Variants in PPP2CB observed in about 807,000 individuals in gnomAD.
PPP2CB encodes protein phosphatase 2 catalytic subunit beta, also known as serine/threonine-protein phosphatase 2A catalytic subunit beta isoform.
A neutral mutation model predicts 39.1 loss-of-function variants in PPP2CB; 18 were observed. The observed-to-expected ratio is 0.46, with a 90% CI of 0.32 to 0.68. PPP2CB has a LOEUF of 0.68. Ranked by LOEUF, PPP2CB falls within the 30% of genes least tolerant of loss-of-function variation. The probability of loss-of-function intolerance (pLI) is 0.04; values close to 1 mark genes in which losing one functional copy is unlikely to be tolerated. For synonymous variants in PPP2CB, 129 were observed against 133.8 expected (o/e 0.96, Z 0.25); for missense variants, 226 against 396.9 (o/e 0.57, Z 3.66).
At chr8:30,791,411 C>T in intron 5 of PPP2CB, 96 bp from the exon 6 acceptor site, 2 of 860,500 alleles carry the variant, frequency 2.3e-6, no homozygotes, top group Admixed American at 4.7e-5. Context: ...TACAGGTACT[C>T]TCTGTGGAAA....
chr8:30,807,018 G>A (rs1421177479), intron 1 of PPP2CB, among the ~76,000 whole-genome samples: 1 of 152,146 alleles, frequency 6.6e-6, no homozygotes, highest in Non-Finnish European at 1.5e-5. Flanking sequence ...AGTCTAGTTT[G>A]GTTTAATTTC....
chr8:30,812,580 G>T lies in PPP2CB; in HGVS notation c.-159C>A. The T allele has an allele frequency of 2.7e-6, 1 of 375,310 alleles. No homozygotes were observed. Among genetic ancestry groups the T allele is most frequent in the Non-Finnish European group, 4.5e-6 (1 of 223,538 alleles). The allele number at this position is 375,310 out of a possible 1,614,324, so 23.2% of individuals were successfully genotyped here. On this transcript the variant is annotated 5_prime_UTR_variant, in exon 1 of 7. Transcript: ENST00000221138. The stretch of plus-strand genomic sequence containing the variant: ...GGACTGAGCCGGGTAGGGCGGCCGC[G>T]GGCCCCGCGCCCCGCCCAAGCCCAG...
At chr8:30,799,973 G>A (rs951819853) in intron 1 of PPP2CB, among the ~76,000 whole-genome samples, 1 of 152,192 alleles carries the variant, frequency 6.6e-6, no homozygotes, top group African/African-American at 2.4e-5. Flanking sequence ...ATACACTGCT[G>A]GTGGAAATGC....
At chr8:30,799,053 T>C (rs1461303710) in intron 2 of PPP2CB, among the ~76,000 whole-genome samples, 1 of 152,212 alleles carries the variant, frequency 6.6e-6, no homozygotes. Flanking sequence ...TTGAATTTGA[T>C]TCTATAGGCA....
intron 3 of PPP2CB, among the ~76,000 whole-genome samples, chr8:30,796,212 C>T (rs996803948): frequency 6.6e-6 from 1 of 152,202 alleles, no homozygotes; most frequent in East Asian, 1.9e-4. Context: ...AAATTAATCA[C>T]GGCAGTGTCC....
chr8:30,786,033 G>T lies in PPP2CB; in HGVS notation c.*202C>A. 1 of 649,100 alleles carries T rather than the reference G, an allele frequency of 1.5e-6. No homozygotes were observed. The highest frequency in any genetic ancestry group is 2.8e-6 in the Non-Finnish European group (1 of 355,198). The allele number at this position is 649,100 out of a possible 1,614,324, so 40.2% of individuals were successfully genotyped here. A position where few individuals can be genotyped will look rare whatever the true frequency, so the allele number is the denominator to read the frequency against. On this transcript the variant is annotated 3_prime_UTR_variant, in exon 7 of 7. Transcript: ENST00000221138. ...AACTGTTAGACTGACCTAGAACATAGTGTACTAAATTTCAGTCTCAAATTG... is the reference window on the plus strand; with the variant it reads ...AACTGTTAGACTGACCTAGAACATATTGTACTAAATTTCAGTCTCAAATTG...
intron 3 of PPP2CB, chr8:30,794,531 A>C (rs1268953105): frequency 2.7e-6 from 1 of 376,604 alleles, no homozygotes; most frequent in South Asian, 3.4e-5. Flanking sequence ...TGGTATCCCC[A>C]TCCTTGGTAC....
chr8:30,806,214 ATT>A lies in PPP2CB; in HGVS notation c.102+6104_102+6105del, dbSNP rs550522092. On this transcript the variant is annotated intron_variant, in intron 1 of 6. Coordinates refer to ENST00000221138, the MANE Select transcript of PPP2CB (RefSeq NM_001009552.2). ...AGGCGCCTGCCACCACGCCTGGCTG[ATT>A]TTTTTTTTTTTGTATTTTTAGTGGA... is the stretch of plus-strand genomic sequence containing the variant. Among the ~76,000 whole-genome samples, 7 of 142,500 alleles carry A rather than the reference ATT, an allele frequency of 4.9e-5. No homozygotes were observed. In the South Asian group the frequency reaches 6.8e-4, roughly 14 times the overall value. The allele number at this position is 142,500 out of a possible 152,430, so 93.5% of individuals were successfully genotyped here. A position where few individuals can be genotyped will look rare whatever the true frequency, so the allele number is the denominator to read the frequency against.
chr8:30,799,526 T>C lies in PPP2CB; in HGVS notation c.312+20A>G, dbSNP rs1278876182. On this transcript the variant is annotated intron_variant, in intron 2 of 6. Coordinates refer to ENST00000221138, the MANE Select transcript of PPP2CB (RefSeq NM_001009552.2). The stretch of plus-strand genomic sequence containing the variant: ...CCTGGTTTAAATCTTGAAAAAAAAA[T>C]TGAATTTCAATAATCATACCTTTAA... The C allele has an allele frequency of 1.3e-6, 2 of 1,578,974 alleles. No homozygotes were observed. Among genetic ancestry groups the C allele is most frequent in the Admixed American group, 1.7e-5 (1 of 57,526 alleles).
At chr8:30,809,561 G>A (rs1410354378) in intron 1 of PPP2CB, among the ~76,000 whole-genome samples, 2 of 152,078 alleles carry the variant, frequency 1.3e-5, no homozygotes, top group Admixed American at 1.3e-4. Context: ...CAACCCATTG[G>A]CAACTCCATC....
rs752116178 is a variant in PPP2CB, at chr8:30,793,926, A to T, written c.729T>A (p.Leu243=). 1.1e-5 allele frequency: 17 copies of T among 1,612,466 alleles called. No individual in the cohort carries two copies. The South Asian group carries it at 1.8e-4, about 17-fold the overall frequency. The change falls in exon 5 of 7, where the codon CTT becomes CTA. Residue 243 remains leucine (L), a synonymous_variant. Transcript: ENST00000221138. Reference sequence around the variant, plus strand: ...TCAGGAAAGTACATACCTCCATTACAAGCTGGTGGGCACGAGAAACCAGTG... The same window carrying T: ...TCAGGAAAGTACATACCTCCATTACTAGCTGGTGGGCACGAGAAACCAGTG... The part of the protein sequence containing the change: ...GLTLVSRAHQ[L]VMEGYNWCHD...
chr8:30,786,310 G>C lies in PPP2CB; in HGVS notation c.858-3C>G, dbSNP rs1806340266. 6.4e-7 allele frequency: 1 copy of C among 1,570,446 alleles called. No homozygotes were observed. Among genetic ancestry groups the C allele is most frequent in the Non-Finnish European group, 8.6e-7 (1 of 1,156,996 alleles). On this transcript the variant is annotated splice_polypyrimidine_tract_variant and splice_region_variant and intron_variant, in intron 6 of 6. Coordinates refer to ENST00000221138, the MANE Select transcript of PPP2CB (RefSeq NM_001009552.2). ...GAGGCGCTGGGTCAAATTGAAGGCTGTAAATGGCAAAAAAGGAAGCAAATA... is the reference window on the plus strand; with the variant it reads ...GAGGCGCTGGGTCAAATTGAAGGCTCTAAATGGCAAAAAAGGAAGCAAATA...
At chr8:30,799,227 TAGAA>T (rs1486577407) in intron 2 of PPP2CB, among the ~76,000 whole-genome samples, 3 of 152,000 alleles carry the variant, frequency 2.0e-5, no homozygotes, top group African/African-American at 4.8e-5. Context: ...TGTGTGAAAA[TAGAA>T]AGAGACAGGA....
intron 1 of PPP2CB, 68 bp from the exon 2 acceptor site, chr8:30,799,823 T>G: frequency 6.9e-7 from 1 of 1,450,624 alleles, no homozygotes; most frequent in Non-Finnish European, 9.5e-7. Flanking sequence ...AAAAGAAAAT[T>G]TGGGGAAAAA....
Position 30,812,359 on chromosome 8 carries a change from C to T in PPP2CB, c.63G>A (p.Lys21=), listed in dbSNP as rs751071366. The T allele has an allele frequency of 1.9e-6, 3 of 1,564,082 alleles. No homozygotes were observed. Among genetic ancestry groups the T allele is most frequent in the African/African-American group, 2.8e-5 (2 of 71,896 alleles). Residue 21 remains lysine (K), a synonymous_variant, in exon 1 of 7, where the codon AAG becomes AAA. Coordinates refer to ENST00000221138, the MANE Select transcript of PPP2CB (RefSeq NM_001009552.2). ...TCCGCACTTGGTTCTCGTTCAGCTG[C>T]TTACACTCGTTCAGCTGCTCGACCC... ...DQWVEQLNEC[K]QLNENQVRTL...
intron 5 of PPP2CB, among the ~76,000 whole-genome samples, chr8:30,792,636 T>C (rs1381216898): frequency 7.0e-6 from 1 of 143,454 alleles, no homozygotes; most frequent in East Asian, 2.2e-4. Flanking sequence ...TTTTTTTTTA[T>C]ATAGAGATGA....
rs760348555 is a variant in PPP2CB, at chr8:30,799,568, A to C, written c.290T>G (p.Val97Gly). 1 of 1,612,522 alleles carries C rather than the reference A, an allele frequency of 6.2e-7. No individual in the cohort carries two copies. Among genetic ancestry groups the C allele is most frequent in the South Asian group, 1.1e-5 (1 of 90,644 alleles). ...TACCTTTAATGCTACAAGAAGAGTCACAGTCTCCACTGAATAATATCCTCT... is the reference window on the plus strand; with the variant it reads ...TACCTTTAATGCTACAAGAAGAGTCCCAGTCTCCACTGAATAATATCCTCT... ...VDRGYYSVET[V>G]TLLVALKVRY... The change falls in exon 2 of 7, where the codon GTG (valine) becomes GGG (glycine). Residue 97 changes from valine to glycine, a missense_variant. Around this residue, in one of 4 missense-constraint regions of PPP2CB, gnomAD observed 110 missense variants for 244.1 expected, o/e 0.45. Coordinates refer to ENST00000221138, the MANE Select transcript of PPP2CB (RefSeq NM_001009552.2).
chr8:30,791,125 G>C, intron 6 of PPP2CB, 72 bp downstream of exon 6: 1 of 1,061,384 alleles, frequency 9.4e-7, no homozygotes, highest in Non-Finnish European at 1.4e-6. Flanking sequence ...TTCAGAAACA[G>C]AAATCTTCTA....
intron 2 of PPP2CB, 152 bp downstream of exon 2, chr8:30,799,394 T>G (rs1220414107): frequency 1.6e-6 from 1 of 618,728 alleles, no homozygotes; most frequent in East Asian, 2.8e-5. Context: ...AGTTATCCTT[T>G]TCACCTCTCC....
Sources: gnomAD v4.1 joint callset for allele counts (sites outside exome capture counted in the v4.1 genomes callset) on GRCh38, gnomAD v4.1.1 for gene constraint, gnomAD v4.1.1 regional missense constraint, MANE v1.5 for transcripts, NCBI Gene and HGNC (gene_info 2026-07-23, HGNC 2026-07-21) for gene names.